The following DNMT3A variants were observed in gnomAD, a reference collection of about 807,000 sequenced individuals.
DNMT3A encodes DNA (cytosine-5)-methyltransferase 3A.
In DNMT3A, 267 loss-of-function variants were observed where a neutral mutation model predicts 117.6. The ratio of observed to expected loss-of-function variants is 2.27; its 90% CI spans 2.05 to 2.51. The LOEUF is 2.51. Among genes scored for constraint, DNMT3A ranks in the 30% most tolerant of loss-of-function variants. The pLI, the probability that DNMT3A is intolerant of heterozygous loss-of-function variation, is 0.00. For synonymous variants in DNMT3A, 432 were observed against 474.8 expected (o/e 0.91, Z 1.17); for missense variants, 1,029 against 1,260.2 (o/e 0.82, Z 2.78).
intron 12 of DNMT3A, 50 bp from the exon 13 acceptor site, chr2:25,245,382 C>T (rs773235921): frequency 1.7e-5 from 27 of 1,547,894 alleles, no homozygotes; most frequent in Non-Finnish European, 2.3e-5. Flanking sequence ...AGGGCCTCTC[C>T]CTCCCCGGGC....
chr2:25,251,470 GA>G lies in DNMT3A; in HGVS notation c.640-3219del, dbSNP rs1675552429. On this transcript the variant is annotated intron_variant, in intron 6 of 22. Coordinates refer to ENST00000321117, the MANE Select transcript of DNMT3A (RefSeq NM_022552.5). ...TGGGCCTGGAGTCCGTCCAGACTGG[GA>G]AAGCCACCGGGAACTCCGGTGACTA... 3.3e-5 allele frequency among the ~76,000 whole-genome samples: 5 copies of G among 152,228 alleles called. No homozygotes were observed. In the South Asian group the frequency reaches 1.0e-3, roughly 32 times the overall value.
Position 25,311,486 on chromosome 2 carries a change from GGGA to G in DNMT3A, c.72+2424_72+2426del, listed in dbSNP as rs1264542382. Among the ~76,000 whole-genome samples, 1 of 152,180 alleles carries G rather than the reference GGGA, an allele frequency of 6.6e-6. No individual in the cohort carries two copies. Among genetic ancestry groups the G allele is most frequent in the Non-Finnish European group, 1.5e-5 (1 of 68,026 alleles). On this transcript the variant is annotated intron_variant, in intron 2 of 22. Coordinates refer to ENST00000321117, the MANE Select transcript of DNMT3A (RefSeq NM_022552.5). This position sits in a 1 kb window ranked among gnomAD's most constrained non-coding sequence, Gnocchi z 5.2. The stretch of plus-strand genomic sequence containing the variant: ...TGCGTGGTGTAGGTGTGGGCGGCTG[GGGA>G]GGAGGCCTGGCTATGGCCCAGCCCT...
intron 1 of DNMT3A, among the ~76,000 whole-genome samples, chr2:25,336,523 T>C (rs1419076200): frequency 6.6e-6 from 1 of 152,114 alleles, no homozygotes; most frequent in Non-Finnish European, 1.5e-5. Context: ...ATTTAAACCC[T>C]GTTCTGTTGC....
At chr2:25,259,469 C>T (rs1573373328) in intron 6 of DNMT3A, among the ~76,000 whole-genome samples, 1 of 152,170 alleles carries the variant, frequency 6.6e-6, no homozygotes, top group African/African-American at 2.4e-5. Context: ...TTCTTTGGGC[C>T]TTGGTTTCCT....
intron 2 of DNMT3A, among the ~76,000 whole-genome samples, chr2:25,301,733 C>T (rs978794603): frequency 2.0e-5 from 3 of 152,178 alleles, no homozygotes; most frequent in African/African-American, 7.2e-5. Flanking sequence ...AGATGGGCCA[C>T]AGGCTGCTCT....
Position 25,247,462 on chromosome 2 carries a change from C to T in DNMT3A, c.1014+129G>A. 1.4e-6 allele frequency: 2 copies of T among 1,395,082 alleles called. No homozygotes were observed. The highest frequency in any genetic ancestry group is 2.3e-5 in the East Asian group (1 of 42,956). 86.4% of individuals were successfully genotyped at this position (1,395,082 alleles called of 1,614,324 possible). ...TCCCTACAGCTTCTTCCACCCACCACAGGCAGAGTAGGGGTGAGCAGAACC... is the reference window on the plus strand; with the variant it reads ...TCCCTACAGCTTCTTCCACCCACCATAGGCAGAGTAGGGGTGAGCAGAACC... On this transcript the variant is annotated intron_variant, in intron 8 of 22. Transcript: ENST00000321117. This position sits in a 1 kb window ranked among gnomAD's most constrained non-coding sequence, Gnocchi z 5.6.
chr2:25,263,199 G>A (rs977988003), intron 6 of DNMT3A, among the ~76,000 whole-genome samples: 1 of 152,130 alleles, frequency 6.6e-6, no homozygotes, highest in Admixed American at 6.5e-5. Flanking sequence ...GTCTCCCAAA[G>A]TGCTGGGATT....
At chr2:25,292,170 A>G (rs1371985027) in intron 3 of DNMT3A, among the ~76,000 whole-genome samples, 1 of 152,028 alleles carries the variant, frequency 6.6e-6, no homozygotes, top group Non-Finnish European at 1.5e-5. Context: ...TTTCATTTTC[A>G]ATAAATCCCT....
At chr2:25,300,729 ATATATATATATATAT>A (rs1249078624) in intron 2 of DNMT3A, among the ~76,000 whole-genome samples, 1 of 29,980 alleles carries the variant, frequency 3.3e-5, no homozygotes, top group Non-Finnish European at 5.9e-5. Context: ...ATATATATAT[ATATATATATATATAT>A]ATATATATAT....
At position 25,314,266 on chromosome 2, in the gene DNMT3A, C is replaced by T. The variant is rs906757452; in HGVS notation, c.-177-105G>A. The T allele has an allele frequency of 2.8e-5, 36 of 1,288,996 alleles. No individual in the cohort carries two copies. The African/African-American group carries it at 5.4e-4, about 19-fold the overall frequency. 79.8% of individuals were successfully genotyped at this position (1,288,996 alleles called of 1,614,324 possible). ...GGCCTGTGAGGCCTGGGGTGTTGCT[C>T]CTCCTTCTGGCCTCACCAGCACCCC... On this transcript the variant is annotated intron_variant, in intron 1 of 22. Transcript: ENST00000321117.
rs200800201 is a variant in DNMT3A at position 25,234,312 on chromosome 2, G to A, written c.2706C>T (p.Phe902=). Residue 902 remains phenylalanine, a synonymous_variant, in exon 23 of 23, where the codon TTC becomes TTT. Coordinates refer to ENST00000321117, the MANE Select transcript of DNMT3A (RefSeq NM_022552.5). The surrounding 1 kb of genome is among the most constrained non-coding windows in gnomAD (Gnocchi z 4.5). ...ACGCAAAATACTCCTTCAGCGGAGC[G>A]AAGAGGTGGCGGATGACTGGCACGC... The part of the protein sequence containing the change: ...SWSVPVIRHL[F]APLKEYFACV 21 of 1,614,032 alleles carry A rather than the reference G, an allele frequency of 1.3e-5. No homozygotes were observed. In the East Asian group the frequency reaches 2.2e-4, roughly 17 times the overall value.
intron 20 of DNMT3A, among the ~76,000 whole-genome samples, chr2:25,238,135 G>A (rs1558655829): frequency 6.6e-6 from 1 of 152,204 alleles, no homozygotes; most frequent in Non-Finnish European, 1.5e-5. Flanking sequence ...TCTGTCGGGA[G>A]ACACTGAGTG....
intron 10 of DNMT3A, 127 bp downstream of exon 10, chr2:25,246,493 C>A: frequency 2.7e-6 from 4 of 1,460,034 alleles, no homozygotes; most frequent in Non-Finnish European, 3.7e-6. Context: ...GCAAGAGAGA[C>A]CCCGGCTGTT....
chr2:25,315,586 TCA>T (rs779179334), intron 1 of DNMT3A, among the ~76,000 whole-genome samples: 38 of 152,330 alleles, frequency 2.5e-4, no homozygotes, highest in Non-Finnish European at 5.6e-4. Context: ...CACATGCCAC[TCA>T]GGGCCTGGCT....
rs1343275943 is a variant in DNMT3A, at chr2:25,286,110, C to G, written c.178-3399G>C. On this transcript the variant is annotated intron_variant, in intron 3 of 22. Coordinates refer to ENST00000321117, the MANE Select transcript of DNMT3A (RefSeq NM_022552.5). This position sits in a 1 kb window ranked among gnomAD's most constrained non-coding sequence, Gnocchi z 4.3. The stretch of plus-strand genomic sequence containing the variant: ...CGCAAAGCTGCTGGAGGCAACTCCA[C>G]TGTCACTCACTTCCTGCCTGGGACC... Among the ~76,000 whole-genome samples the G allele has an allele frequency of 6.6e-6, 1 of 152,230 alleles. No individual in the cohort carries two copies. Among genetic ancestry groups the G allele is most frequent in the Non-Finnish European group, 1.5e-5 (1 of 68,042 alleles).
At chr2:25,334,377 CACCCCTTCT>C (rs2035129809) in intron 1 of DNMT3A, among the ~76,000 whole-genome samples, 1 of 152,220 alleles carries the variant, frequency 6.6e-6, no homozygotes, top group African/African-American at 2.4e-5. Flanking sequence ...AGTTCCTAGA[CACCCCTTCT>C]ACCCCTTCGT....
intron 2 of DNMT3A, among the ~76,000 whole-genome samples, chr2:25,307,459 CTTTTTTT>C (rs35144977): frequency 3.0e-4 from 24 of 79,104 alleles, no homozygotes; most frequent in African/African-American, 1.1e-3. Context: ...CACACCGCAG[CTTTTTTT>C]TTTTTTTTTT....
chr2:25,309,585 C>T (rs948911321), intron 2 of DNMT3A, among the ~76,000 whole-genome samples: 1 of 152,118 alleles, frequency 6.6e-6, no homozygotes, highest in African/African-American at 2.4e-5. Context: ...TCCCCCTTCA[C>T]GCAGGAGACA....
chr2:25,274,606 C>G (rs1022804764), intron 6 of DNMT3A, among the ~76,000 whole-genome samples: 3 of 152,234 alleles, frequency 2.0e-5, no homozygotes, highest in Non-Finnish European at 2.9e-5. Flanking sequence ...CCACCTCCTC[C>G]AAGAAGCCTG....
Sources: allele counts gnomAD v4.1 joint callset (sites outside exome capture counted in the v4.1 genomes callset), GRCh38; gene constraint gnomAD v4.1.1; non-coding constraint Gnocchi (gnomAD v3.1); transcripts MANE v1.5; gene names NCBI Gene and HGNC (gene_info 2026-07-23, HGNC 2026-07-21).